Variants in MACROD2 observed in about 807,000 individuals in gnomAD.
MACROD2 encodes the protein ADP-ribose glycohydrolase MACROD2.
In MACROD2, 36 loss-of-function variants were observed where a neutral mutation model predicts 70.4. That is an observed-to-expected ratio of 0.51 (90% CI 0.39 to 0.68). MACROD2 has a LOEUF of 0.68. Ranked by LOEUF, MACROD2 falls within the 30% of genes least tolerant of loss-of-function variation. MACROD2 has a pLI of 0.00. For missense variants in MACROD2, 496 were observed against 538.4 expected (o/e 0.92, Z 0.78); for synonymous variants, 172 against 178.8 (o/e 0.96, Z 0.30).
chr20:14,695,044 C>G (rs2071106978), intron 5 of MACROD2, among the ~76,000 whole-genome samples: 1 of 147,246 alleles, frequency 6.8e-6, no homozygotes, highest in East Asian at 1.9e-4. Context: ...GTTTCCCTCT[C>G]TCTCTCTCTC....
intron 6 of MACROD2, among the ~76,000 whole-genome samples, chr20:15,243,853 G>A (rs1457477154): frequency 6.6e-6 from 1 of 151,970 alleles, no homozygotes; most frequent in Non-Finnish European, 1.5e-5. Flanking sequence ...GTGAATCTGG[G>A]AGATGGAGCT....
chr20:14,273,844 C>A (rs2082223269), intron 3 of MACROD2, among the ~76,000 whole-genome samples: 1 of 152,032 alleles, frequency 6.6e-6, no homozygotes, highest in Non-Finnish European at 1.5e-5. Context: ...ACACAAACTA[C>A]CATCAGAGAA....
chr20:14,793,859 C>A (rs2072479936), intron 5 of MACROD2, among the ~76,000 whole-genome samples: 1 of 152,068 alleles, frequency 6.6e-6, no homozygotes, highest in African/African-American at 2.4e-5. Context: ...ATGAGGCTGA[C>A]TGCTGCTGCT....
intron 3 of MACROD2, among the ~76,000 whole-genome samples, chr20:14,183,476 G>T (rs2081320795): frequency 6.6e-6 from 1 of 152,050 alleles, no homozygotes; most frequent in Admixed American, 6.6e-5. Context: ...TATGAATAGT[G>T]TTGCAATAAA....
At chr20:15,526,308 A>G (rs2047721082) in intron 8 of MACROD2, among the ~76,000 whole-genome samples, 1 of 152,352 alleles carries the variant, frequency 6.6e-6, no homozygotes, top group East Asian at 1.9e-4. Context: ...AAACAATTAG[A>G]TGACAATGAT....
chr20:14,723,993 G>C (rs900879824), intron 5 of MACROD2, among the ~76,000 whole-genome samples: 7 of 152,088 alleles, frequency 4.6e-5, no homozygotes, highest in Admixed American at 3.3e-4. Flanking sequence ...GGCTTATACA[G>C]AGGATAAGAA....
intron 3 of MACROD2, among the ~76,000 whole-genome samples, chr20:14,429,978 A>G (rs1320411793): frequency 6.6e-6 from 1 of 152,068 alleles, no homozygotes; most frequent in African/African-American, 2.4e-5. Flanking sequence ...CCATTTTCTT[A>G]TATTTCTTGA....
chr20:14,327,574 T>A, intron 3 of MACROD2: 1 of 1,485,214 alleles, frequency 6.7e-7, no homozygotes, highest in South Asian at 1.4e-5. Flanking sequence ...ATGAAGTGAG[T>A]AAAAAAAGAC....
At chr20:15,602,027 CAA>C (rs11476474) in intron 8 of MACROD2, among the ~76,000 whole-genome samples, 28 of 147,558 alleles carry the variant, frequency 1.9e-4, no homozygotes, top group African/African-American at 6.4e-4. Flanking sequence ...GACTCAGTCT[CAA>C]AAAAAAAAAG....
intron 8 of MACROD2, among the ~76,000 whole-genome samples, chr20:15,524,427 C>G (rs2047692619): frequency 6.6e-6 from 1 of 152,064 alleles, no homozygotes. Flanking sequence ...CTGGAGAAGT[C>G]AAGCATTGAG....
rs141404263 is a variant in MACROD2, at chr20:14,296,150, T to G, written c.272-197329T>G. Reference sequence around the variant, plus strand: ...CAGAACTATTTTGCAGCCATGCCCATAGACTATGAGTCAGTTTGAACAAAT... The same window carrying G: ...CAGAACTATTTTGCAGCCATGCCCAGAGACTATGAGTCAGTTTGAACAAAT... On this transcript the variant is annotated intron_variant, in intron 3 of 17. Coordinates refer to ENST00000684519, the MANE Select transcript of MACROD2 (RefSeq NM_001351661.2). Among the ~76,000 whole-genome samples, 41 of 152,028 alleles carry G rather than the reference T, an allele frequency of 2.7e-4. 2 individuals are homozygous for G. Among genetic ancestry groups the G allele is most frequent in the African/African-American group, 8.7e-4 (36 of 41,326 alleles).
chr20:14,081,320 A>G (rs1274805642), intron 2 of MACROD2, among the ~76,000 whole-genome samples: 1 of 152,086 alleles, frequency 6.6e-6, no homozygotes, highest in Non-Finnish European at 1.5e-5. Flanking sequence ...TTATTGCTGT[A>G]TTTGGAAATG....
intron 3 of MACROD2, among the ~76,000 whole-genome samples, chr20:14,297,598 G>A (rs2082438121): frequency 6.6e-6 from 1 of 151,986 alleles, no homozygotes; most frequent in African/African-American, 2.4e-5. Flanking sequence ...AAGGCAGAGA[G>A]AGGTGAGGAA....
intron 12 of MACROD2, among the ~76,000 whole-genome samples, chr20:15,951,556 C>T (rs1219882091): frequency 1.3e-5 from 2 of 151,930 alleles, no homozygotes; most frequent in Non-Finnish European, 2.9e-5. Context: ...TATTTTGCAC[C>T]AGATGTGTCA....
intron 4 of MACROD2, among the ~76,000 whole-genome samples, chr20:14,550,880 GTT>G (rs11469816): frequency 0.93 from 138,149 of 147,814 alleles, 64,599 homozygotes; most frequent in East Asian, 0.98. Context: ...ATCAGTAGCA[GTT>G]TTTTTTTTTT....
chr20:14,146,299 A>G (rs2054942062), intron 3 of MACROD2, among the ~76,000 whole-genome samples: 2 of 152,150 alleles, frequency 1.3e-5, no homozygotes, highest in Non-Finnish European at 2.9e-5. Flanking sequence ...AGCCTGGGCG[A>G]CAGAGCGAGA....
chr20:15,040,276 C>A (rs1019667465), intron 5 of MACROD2, among the ~76,000 whole-genome samples: 4 of 150,850 alleles, frequency 2.7e-5, no homozygotes, highest in African/African-American at 7.3e-5. Context: ...GATCGCGCCA[C>A]TGCACTCCAG....
At chr20:15,747,575 G>A (rs1462940729) in intron 8 of MACROD2, among the ~76,000 whole-genome samples, 1 of 152,112 alleles carries the variant, frequency 6.6e-6, no homozygotes, top group Non-Finnish European at 1.5e-5. Flanking sequence ...TAATGTGTCA[G>A]TAATATTTTG....
intron 8 of MACROD2, among the ~76,000 whole-genome samples, chr20:15,508,257 G>T (rs1374495880): frequency 6.6e-6 from 1 of 151,900 alleles, no homozygotes; most frequent in East Asian, 1.9e-4. Context: ...AGAATGGAGT[G>T]CATGGGAATG....
Sources: allele counts gnomAD v4.1 joint callset (sites outside exome capture counted in the v4.1 genomes callset), GRCh38; gene constraint gnomAD v4.1.1; transcripts MANE v1.5; gene names NCBI Gene and HGNC (gene_info 2026-07-23, HGNC 2026-07-21).